LRBA: variants seen among roughly 807,000 people sequenced by gnomAD.
The protein encoded by LRBA is LPS responsive beige-like anchor protein, also known as lipopolysaccharide-responsive and beige-like anchor protein.
In LRBA, 176 loss-of-function variants were observed where a neutral mutation model predicts 330.0. The ratio of observed to expected loss-of-function variants is 0.53; its 90% confidence interval spans 0.47 to 0.60. The LOEUF (loss-of-function observed/expected upper bound fraction) is 0.60, where lower values mean the gene tolerates loss of function less well. Among genes scored for constraint, LRBA ranks in the 20% least tolerant of loss-of-function variants. LRBA has a pLI of 0.00. For missense variants in LRBA, 3,259 were observed against 3,444.8 expected (o/e 0.95, Z 1.35); for synonymous variants, 1,230 against 1,193.0 (o/e 1.03, Z -0.64).
rs541771508 is a variant in LRBA, at chr4:150,487,772, G to A, written c.6511C>T (p.Arg2171Cys). The A allele has an allele frequency of 1.9e-5, 30 of 1,598,250 alleles. No homozygotes were observed. Among genetic ancestry groups the A allele is most frequent in the African/African-American group, 4.0e-5 (3 of 74,738 alleles). ...CCAAAACTTGTTCCAACGCCAACAC[G>A]AGGTAGATAGTTAACCACTTTCTTT... The part of the protein sequence containing the change: ...TVKKVVNYLP[R>C]VGVGTSFGLP... Residue 2171 changes from arginine (R) to cysteine (C), a missense_variant, in exon 42 of 57, where the codon CGT becomes TGT. Physicochemically the swap from Arg to Cys is radical, Grantham distance 180. Coordinates refer to ENST00000651943, the MANE Select transcript of LRBA (RefSeq NM_001364905.1).
intron 2 of LRBA, among the ~76,000 whole-genome samples, chr4:150,949,848 A>C (rs948556504): frequency 2.6e-5 from 4 of 151,158 alleles, no homozygotes; most frequent in Non-Finnish European, 5.9e-5. Flanking sequence ...TACTCCAGCC[A>C]AAAAAAAATC....
intron 35 of LRBA, among the ~76,000 whole-genome samples, chr4:150,756,239 T>C (rs913523979): frequency 1.3e-5 from 2 of 152,098 alleles, no homozygotes; most frequent in Non-Finnish European, 2.9e-5. Context: ...TCAGAACAGC[T>C]GACTTGATCA....
intron 40 of LRBA, among the ~76,000 whole-genome samples, chr4:150,569,638 A>G (rs111878139): frequency 6.6e-6 from 1 of 152,162 alleles, no homozygotes; most frequent in Non-Finnish European, 1.5e-5. Context: ...CTGCTTCATC[A>G]GCATATGAAG....
intron 2 of LRBA, among the ~76,000 whole-genome samples, chr4:150,949,057 G>A (rs1279277562): frequency 6.6e-6 from 1 of 151,316 alleles, no homozygotes; most frequent in East Asian, 1.9e-4. Flanking sequence ...AACTAAATAT[G>A]CACCTACTAT....
chr4:150,606,442 A>C (rs113441149), intron 37 of LRBA, among the ~76,000 whole-genome samples: 2 of 152,118 alleles, frequency 1.3e-5, no homozygotes, highest in African/African-American at 4.8e-5. Flanking sequence ...TTGAGTGCCA[A>C]CTATGTACCA....
At chr4:150,935,890 ATAACT>A (rs975327160) in intron 2 of LRBA, among the ~76,000 whole-genome samples, 1 of 152,030 alleles carries the variant, frequency 6.6e-6, no homozygotes, top group Non-Finnish European at 1.5e-5. Flanking sequence ...TAAATTCTAG[ATAACT>A]TAAAATATCA....
chr4:150,999,008 T>C (rs1198422915), intron 2 of LRBA, among the ~76,000 whole-genome samples: 1 of 152,312 alleles, frequency 6.6e-6, no homozygotes, highest in Non-Finnish European at 1.5e-5. Context: ...CAGCAGATAA[T>C]GAATATAACC....
In LRBA at chr4:150,891,740, T is replaced by C. The variant is rs558133390; in HGVS notation, c.2165+1312A>G. ...TGCATGGACACCCACGCACACACTA[T>C]TGGTTCTGTTTCCCTGGAGAACTCT... On this transcript the variant is annotated intron_variant, in intron 17 of 56. Transcript: ENST00000651943. Among the ~76,000 whole-genome samples, 6 of 152,330 alleles carry C rather than the reference T, an allele frequency of 3.9e-5. No individual in the cohort carries two copies. The South Asian group carries it at 1.0e-3, about 26-fold the overall frequency.
intron 43 of LRBA, 44 bp from the exon 44 acceptor site, chr4:150,467,829 G>A: frequency 1.2e-6 from 1 of 867,998 alleles, no homozygotes; most frequent in Non-Finnish European, 1.8e-6. Flanking sequence ...TTTTAAAAGT[G>A]AAATAAACAG....
Position 150,697,654 on chromosome 4 carries a change from T to G in LRBA, c.5755-13937A>C, listed in dbSNP as rs569327108. Among the ~76,000 whole-genome samples the G allele has an allele frequency of 2.0e-5, 3 of 152,214 alleles. No individual in the cohort carries two copies. In the South Asian group the frequency reaches 6.2e-4, roughly 32 times the overall value. ...TATATAAATCATTTAACATACAAAA[T>G]ATTAACTAGATTTGTATTTCTCAGC... On this transcript the variant is annotated intron_variant, in intron 36 of 56. Transcript: ENST00000651943.
chr4:150,415,373 C>A, intron 47 of LRBA, 65 bp downstream of exon 47: 2 of 1,463,948 alleles, frequency 1.4e-6, no homozygotes, highest in East Asian at 2.3e-5. Flanking sequence ...TGATTATACA[C>A]CAACACATGA....
In LRBA at chr4:150,634,908, AC is replaced by A. The variant is rs200203625; in HGVS notation, c.5922-35778del. Among the ~76,000 whole-genome samples, 931 of 152,290 alleles carry A rather than the reference AC, an allele frequency of 6.1e-3. 5 individuals carry two copies. The highest frequency in any genetic ancestry group is 0.01 in the Non-Finnish European group (694 of 68,026). On this transcript the variant is annotated intron_variant, in intron 37 of 56. Transcript: ENST00000651943. ...GGATCCCTGCACCACTGCCCCCTAG[AC>A]CCAGGGCGTATATACCATAGAGAAA...
chr4:150,559,683 AT>A (rs1394188009), intron 40 of LRBA, among the ~76,000 whole-genome samples: 1,296 of 82,700 alleles, frequency 0.016, 20 homozygotes, highest in Admixed American at 0.07. Flanking sequence ...TATATAATAT[AT>A]TATATTATAT....
chr4:150,788,900 C>A (rs1267305271), intron 34 of LRBA, among the ~76,000 whole-genome samples: 1 of 152,104 alleles, frequency 6.6e-6, no homozygotes, highest in Non-Finnish European at 1.5e-5. Flanking sequence ...CATGGTGAAA[C>A]CCCATCTCCA....
intron 52 of LRBA, among the ~76,000 whole-genome samples, chr4:150,308,841 A>G (rs1730697866): frequency 6.6e-6 from 1 of 152,248 alleles, no homozygotes; most frequent in South Asian, 2.1e-4. Context: ...TGTTATTACA[A>G]GAATTGAAAA....
rs1758234156 is a variant in LRBA, at chr4:150,488,946, TATATAAC to T, written c.6449-1119_6449-1113del. ...AAGAATATATACACACACGAGAATATATATAACATATAATATATTATATATAAGAATA... is the reference window on the plus strand; with the variant it reads ...AAGAATATATACACACACGAGAATATATATAATATATTATATATAAGAATA... On this transcript the variant is annotated intron_variant, in intron 41 of 56. Transcript: ENST00000651943. 2.2e-5 allele frequency among the ~76,000 whole-genome samples: 3 copies of T among 133,592 alleles called. No homozygotes were observed. In the East Asian group the frequency reaches 6.1e-4, roughly 27 times the overall value. The allele number at this position is 133,592 out of a possible 152,430, so 87.6% of individuals were successfully genotyped here.
intron 40 of LRBA, among the ~76,000 whole-genome samples, chr4:150,553,750 G>A (rs1036216782): frequency 6.6e-6 from 1 of 152,282 alleles, no homozygotes; most frequent in African/African-American, 2.4e-5. Context: ...AGACACTAGA[G>A]AAATTTGTCT....
At chr4:150,835,035 T>C (rs1041679801) in intron 28 of LRBA, among the ~76,000 whole-genome samples, 2 of 152,186 alleles carry the variant, frequency 1.3e-5, no homozygotes, top group African/African-American at 4.8e-5. Context: ...CTAGCTAGTT[T>C]TCCCAGCACC....
At chr4:150,792,270 T>G (rs2126646582) in intron 34 of LRBA, among the ~76,000 whole-genome samples, 1 of 151,070 alleles carries the variant, frequency 6.6e-6, no homozygotes, top group Admixed American at 6.6e-5. Context: ...CCACTCCACT[T>G]AAAAGAAATA....
Sources: gnomAD v4.1 joint callset for allele counts (sites outside exome capture counted in the v4.1 genomes callset) on GRCh38, gnomAD v4.1.1 for gene constraint, MANE v1.5 for transcripts, NCBI Gene and HGNC (gene_info 2026-07-23, HGNC 2026-07-21) for gene names.